ATP2B2: variants seen among roughly 807,000 people sequenced by gnomAD.
The protein encoded by ATP2B2 is ATPase plasma membrane Ca2+ transporting 2.
In ATP2B2, 15 loss-of-function variants were observed where a neutral mutation model predicts 120.0. That is an observed-to-expected ratio of 0.12 (90% CI 0.08 to 0.19). The LOEUF is 0.19. Among genes scored for constraint, ATP2B2 ranks in the 10% least tolerant of loss-of-function variants. ATP2B2 has a pLI of 1.00. For missense variants in ATP2B2, 1,045 were observed against 1,719.8 expected, an observed-to-expected ratio of 0.61 and a Z score of 6.94; for synonymous variants, 694 against 700.3, an observed-to-expected ratio of 0.99 and a Z score of 0.14.
At chr3:10,684,525 T>C (rs1051268630) in intron 1 of ATP2B2, among the ~76,000 whole-genome samples, 2 of 152,190 alleles carry the variant, frequency 1.3e-5, no homozygotes, top group African/African-American at 4.8e-5. Flanking sequence ...CCTCAAAGGT[T>C]TCACAAATTA....
At position 10,642,556 on chromosome 3, in the gene ATP2B2, C is replaced by A. The variant is rs2070202509; in HGVS notation, c.-459-22595G>T. ...CCACACACGTACACACAATGTCTGG[C>A]CTGTGTAAAACCCATCAGAGCTCTG... On this transcript the variant is annotated intron_variant, in intron 1 of 21. Coordinates refer to the ATP2B2 transcript ENST00000646379. Among the ~76,000 whole-genome samples, 5 of 152,222 alleles carry A rather than the reference C, an allele frequency of 3.3e-5. No homozygotes were observed. The South Asian group carries it at 1.0e-3, about 32-fold the overall frequency.
intron 2 of ATP2B2, among the ~76,000 whole-genome samples, chr3:10,594,509 T>C (rs529816587): frequency 1.8e-4 from 26 of 144,076 alleles, no homozygotes; most frequent in East Asian, 1.5e-3. Context: ...CAGGTGGGAA[T>C]TGAACAATGA....
chr3:10,647,325 G>C (rs1474136750), intron 1 of ATP2B2, among the ~76,000 whole-genome samples: 4 of 152,160 alleles, frequency 2.6e-5, no homozygotes, highest in Non-Finnish European at 5.9e-5. Context: ...AGGCAGAGTG[G>C]GGTGGATGGG....
chr3:10,363,689 C>T (rs2060964369), intron 12 of ATP2B2, among the ~76,000 whole-genome samples: 1 of 152,028 alleles, frequency 6.6e-6, no homozygotes, highest in Non-Finnish European at 1.5e-5. Flanking sequence ...ATATATCACC[C>T]ATTAAGATGG....
chr3:10,419,963 G>GA (rs2062917405), intron 2 of ATP2B2, among the ~76,000 whole-genome samples: 1 of 152,214 alleles, frequency 6.6e-6, no homozygotes, highest in Non-Finnish European at 1.5e-5. Context: ...GCTTTCTGGG[G>GA]AAAAACCACA....
intron 2 of ATP2B2, among the ~76,000 whole-genome samples, chr3:10,423,765 C>T (rs892000077): frequency 2.6e-5 from 4 of 152,198 alleles, no homozygotes; most frequent in African/African-American, 7.2e-5. Context: ...TTCCAGTCTC[C>T]ACCCTGACAC....
chr3:10,439,830 A>G (rs1411578095), intron 2 of ATP2B2, among the ~76,000 whole-genome samples: 1 of 144,368 alleles, frequency 6.9e-6, no homozygotes, highest in Non-Finnish European at 1.6e-5. Flanking sequence ...AGCTTGGTTC[A>G]CTGCAATCTT....
intron 3 of ATP2B2, among the ~76,000 whole-genome samples, chr3:10,511,875 A>T (rs1372221796): frequency 3.3e-5 from 5 of 152,160 alleles, no homozygotes; most frequent in Non-Finnish European, 5.9e-5. Context: ...GCTAACATTG[A>T]CGTGTGTGTG....
At chr3:10,472,057 G>T (rs2065032021) in intron 1 of ATP2B2, among the ~76,000 whole-genome samples, 1 of 145,442 alleles carries the variant, frequency 6.9e-6, no homozygotes, top group South Asian at 2.3e-4. Context: ...CTCCCGCCTG[G>T]GCCACAGAGC....
chr3:10,487,381 T>C (rs978722052), intron 1 of ATP2B2, among the ~76,000 whole-genome samples: 4 of 152,178 alleles, frequency 2.6e-5, no homozygotes, highest in African/African-American at 9.7e-5. Context: ...AGGAGGATGC[T>C]AGGGGTTACC....
At chr3:10,557,100 C>T (rs901619707) in intron 2 of ATP2B2, among the ~76,000 whole-genome samples, 11 of 152,288 alleles carry the variant, frequency 7.2e-5, no homozygotes, top group African/African-American at 2.6e-4. Flanking sequence ...TTCTCCCTCT[C>T]CTGGCTAGGT....
chr3:10,533,084 G>A (rs549638336), intron 3 of ATP2B2, among the ~76,000 whole-genome samples: 1 of 152,148 alleles, frequency 6.6e-6, no homozygotes, highest in Non-Finnish European at 1.5e-5. Context: ...TTACATGTTG[G>A]GTCCATGGGG....
chr3:10,561,069 G>T (rs550470505), intron 2 of ATP2B2, among the ~76,000 whole-genome samples: 15 of 152,196 alleles, frequency 9.9e-5, no homozygotes, highest in Non-Finnish European at 2.1e-4. Context: ...CTCCCATTGT[G>T]CTCACATAGG....
chr3:10,464,527 C>T (rs1454322670), intron 1 of ATP2B2, among the ~76,000 whole-genome samples: 1 of 152,180 alleles, frequency 6.6e-6, no homozygotes, highest in African/African-American at 2.4e-5. Context: ...AGATTGCTAT[C>T]TGGAATGCCC....
intron 5 of ATP2B2, among the ~76,000 whole-genome samples, chr3:10,391,496 CA>C (rs2061848404): frequency 6.6e-6 from 1 of 152,222 alleles, no homozygotes; most frequent in South Asian, 2.1e-4. Flanking sequence ...CCACGATAAT[CA>C]GACTCCCAAA....
intron 5 of ATP2B2, among the ~76,000 whole-genome samples, chr3:10,399,969 A>G (rs1186658255): frequency 1.3e-5 from 2 of 152,222 alleles, no homozygotes; most frequent in Non-Finnish European, 1.5e-5. Flanking sequence ...AGGGGCTCCC[A>G]TGGGCAGGGG....
chr3:10,633,324 G>A (rs895354759), intron 1 of ATP2B2, among the ~76,000 whole-genome samples: 6 of 152,176 alleles, frequency 3.9e-5, no homozygotes, highest in East Asian at 1.9e-4. Context: ...CACCAGGGTT[G>A]CCATCCACTG....
At chr3:10,597,404 C>T (rs539761718) in intron 2 of ATP2B2, among the ~76,000 whole-genome samples, 2 of 152,278 alleles carry the variant, frequency 1.3e-5, no homozygotes, top group East Asian at 3.9e-4. Context: ...GGCACACACA[C>T]AGGCACAGTG....
At chr3:10,623,123 TGCA>T (rs2069598014) in intron 1 of ATP2B2, among the ~76,000 whole-genome samples, 1 of 144,522 alleles carries the variant, frequency 6.9e-6, no homozygotes, top group Admixed American at 7.4e-5. Context: ...AGTGCAGTGG[TGCA>T]ACCATAGCTC....
Sources: allele counts gnomAD v4.1 joint callset (sites outside exome capture counted in the v4.1 genomes callset), GRCh38; gene constraint gnomAD v4.1.1; transcripts MANE v1.5; gene names NCBI Gene and HGNC (gene_info 2026-07-23, HGNC 2026-07-21).